Variants in IL1RAPL1 observed in about 807,000 individuals in gnomAD.
IL1RAPL1 encodes the protein interleukin 1 receptor accessory protein like 1.
In IL1RAPL1, 3 loss-of-function variants were observed where a neutral mutation model predicts 48.4. That is an observed-to-expected ratio of 0.06 (90% CI 0.03 to 0.16). The LOEUF is 0.16. Among genes scored for constraint, IL1RAPL1 ranks in the 10% least tolerant of loss-of-function variants. IL1RAPL1 has a pLI of 1.00. For missense variants in IL1RAPL1, 349 were observed against 530.6 expected, an observed-to-expected ratio of 0.66 and a Z score of 3.36; for synonymous variants, 185 against 187.7, an observed-to-expected ratio of 0.99 and a Z score of 0.12.
At chrX:29,722,108 A>G (rs892259638) in intron 6 of IL1RAPL1, among the ~76,000 whole-genome samples, 1 of 111,624 alleles carries the variant, frequency 9.0e-6, no homozygotes, top group African/African-American at 3.3e-5. Context: ...GTGTTTTGAT[A>G]TACATGTACA....
intron 2 of IL1RAPL1, among the ~76,000 whole-genome samples, chrX:29,171,604 C>T (rs1929909790): frequency 9.0e-6 from 1 of 111,677 alleles, no homozygotes; most frequent in Non-Finnish European, 1.9e-5. Context: ...TTTCTCAAAA[C>T]AGGCTGAAGA....
chrX:28,931,790 C>A (rs1395073948), intron 2 of IL1RAPL1, among the ~76,000 whole-genome samples: 1 of 111,131 alleles, frequency 9.0e-6, no homozygotes, highest in Non-Finnish European at 1.9e-5. Flanking sequence ...GTAATCCCAG[C>A]ACTTTGGGAG....
intron 2 of IL1RAPL1, among the ~76,000 whole-genome samples, chrX:28,915,568 G>T (rs903312978): frequency 1.8e-5 from 2 of 111,550 alleles, no homozygotes; most frequent in African/African-American, 6.5e-5. Context: ...AGAAACACTA[G>T]AAGTACATTA....
At chrX:29,524,643 A>G (rs776931258) in intron 5 of IL1RAPL1, among the ~76,000 whole-genome samples, 56 of 111,937 alleles carry the variant, frequency 5.0e-4, no homozygotes, top group Non-Finnish European at 9.4e-4. Context: ...ACATGAGCAA[A>G]TGGAATTTCA....
chrX:29,148,224 C>T (rs1025758339), intron 2 of IL1RAPL1, among the ~76,000 whole-genome samples: 5 of 111,742 alleles, frequency 4.5e-5, no homozygotes, highest in African/African-American at 1.6e-4. Context: ...AAAAGCTTTT[C>T]AAATTTCAAC....
At chrX:29,753,043 A>T (rs933462836) in intron 6 of IL1RAPL1, among the ~76,000 whole-genome samples, 1 of 112,065 alleles carries the variant, frequency 8.9e-6, no homozygotes, top group African/African-American at 3.2e-5. Context: ...GTGCGTTATG[A>T]CATAGTAGAA....
rs1269363615 is a variant in IL1RAPL1, at chrX:29,387,772, C to A, written c.363-8486C>A. Among the ~76,000 whole-genome samples the A allele has an allele frequency of 2.7e-5, 3 of 110,885 alleles. No individual in the cohort carries two copies. The East Asian group carries it at 8.5e-4, about 31-fold the overall frequency. On this transcript the variant is annotated intron_variant, in intron 3 of 10. Transcript: ENST00000378993. ...CTTTGGGAGGCCAAGGTGGGTGGAT[C>A]ATTTGAGGTCAGGAGTTTGAGACCA... is the stretch of plus-strand genomic sequence containing the variant.
At chrX:29,428,232 A>G (rs1321008552) in intron 5 of IL1RAPL1, among the ~76,000 whole-genome samples, 1 of 112,014 alleles carries the variant, frequency 8.9e-6, no homozygotes, top group African/African-American at 3.2e-5. Flanking sequence ...AAGGCTTTCA[A>G]CAGCCATAGA....
chrX:29,086,455 C>T (rs908863757), intron 2 of IL1RAPL1, among the ~76,000 whole-genome samples: 6 of 112,028 alleles, frequency 5.4e-5, no homozygotes, highest in Non-Finnish European at 9.4e-5. Context: ...TGCCAAATAC[C>T]ATGAAATGTC....
chrX:29,606,287 A>G (rs755960937), intron 5 of IL1RAPL1, among the ~76,000 whole-genome samples: 51 of 111,961 alleles, frequency 4.6e-4, no homozygotes, highest in Non-Finnish European at 7.9e-4. Flanking sequence ...TGAATGAAAA[A>G]AAATGTTAAA....
In IL1RAPL1 at chrX:28,587,703, TCTCTC is replaced by T. The variant is rs1051428208; in HGVS notation, c.-363_-359del. 4 of 110,013 alleles carry T rather than the reference TCTCTC, an allele frequency of 3.6e-5. No individual in the cohort carries two copies. Among genetic ancestry groups the T allele is most frequent in the Non-Finnish European group, 7.6e-5 (4 of 52,838 alleles). 9.1% of individuals were successfully genotyped at this position (110,013 alleles called of 1,213,427 possible). On this transcript the variant is annotated 5_prime_UTR_variant, in exon 1 of 11. Coordinates refer to ENST00000378993, the MANE Select transcript of IL1RAPL1 (RefSeq NM_014271.4). ...CTTATTTTCCCCTCTCTTTTTCTGC[TCTCTC>T]CTCTCTCAGTCTCTCCTTTTCTATC... is the stretch of plus-strand genomic sequence containing the variant.
chrX:29,094,025 G>A (rs1928147362), intron 2 of IL1RAPL1, among the ~76,000 whole-genome samples: 2 of 112,098 alleles, frequency 1.8e-5, no homozygotes, highest in Admixed American at 1.9e-4. Context: ...AGGAGCCAGA[G>A]CAAGAAATAT....
At chrX:29,174,846 G>T (rs754777306) in intron 2 of IL1RAPL1, among the ~76,000 whole-genome samples, 241 of 111,407 alleles carry the variant, frequency 2.2e-3, no homozygotes, top group African/African-American at 7.6e-3. Flanking sequence ...AGGCCAAGGT[G>T]GGTGGATCAC....
At chrX:29,791,547 C>A (rs945591075) in intron 6 of IL1RAPL1, among the ~76,000 whole-genome samples, 5 of 106,678 alleles carry the variant, frequency 4.7e-5, no homozygotes, top group Non-Finnish European at 9.6e-5. Context: ...CTCAGCCTCC[C>A]GAGGAGCTGG....
At chrX:28,654,776 T>A (rs930471302) in intron 1 of IL1RAPL1, among the ~76,000 whole-genome samples, 47 of 112,155 alleles carry the variant, frequency 4.2e-4, no homozygotes, top group African/African-American at 1.5e-3. Context: ...TTTAAACATT[T>A]TCTGTAATTA....
chrX:28,808,186 C>G (rs2147274597), intron 2 of IL1RAPL1, among the ~76,000 whole-genome samples: 1 of 111,296 alleles, frequency 9.0e-6, no homozygotes, highest in Admixed American at 9.6e-5. Flanking sequence ...AGACACGTTT[C>G]TGTTGTGAAG....
At chrX:29,647,313 C>A (rs1338091163) in intron 5 of IL1RAPL1, among the ~76,000 whole-genome samples, 1 of 103,213 alleles carries the variant, frequency 9.7e-6, no homozygotes, top group East Asian at 3.1e-4. Flanking sequence ...CATGCCACTG[C>A]ACTCCAGCCT....
intron 1 of IL1RAPL1, among the ~76,000 whole-genome samples, chrX:28,723,563 T>C (rs756281692): frequency 4.9e-4 from 55 of 112,041 alleles, no homozygotes; most frequent in African/African-American, 1.7e-3. Context: ...TTCATTGATT[T>C]TTTGAAGGGT....
At chrX:29,363,583 G>A (rs1933405674) in intron 3 of IL1RAPL1, among the ~76,000 whole-genome samples, 2 of 111,535 alleles carry the variant, frequency 1.8e-5, no homozygotes, top group Non-Finnish European at 3.8e-5. Context: ...CTGAGACTGA[G>A]TCATTTATAA....
Sources: gnomAD v4.1 joint callset for allele counts (sites outside exome capture counted in the v4.1 genomes callset) on GRCh38, gnomAD v4.1.1 for gene constraint, MANE v1.5 for transcripts, NCBI Gene and HGNC (gene_info 2026-07-23, HGNC 2026-07-21) for gene names.